The following MACC1 variants were observed in gnomAD, a reference collection of about 807,000 sequenced individuals.
MACC1 encodes MET transcriptional regulator MACC1, also known as metastasis-associated in colon cancer protein 1.
A neutral mutation model predicts 70.7 loss-of-function variants in MACC1; 79 were observed. The observed-to-expected ratio is 1.12, with a 90% CI of 0.93 to 1.35. MACC1 has a LOEUF of 1.35. MACC1 is among the 40% of genes most tolerant of loss of function. The pLI, the probability that MACC1 is intolerant of heterozygous loss-of-function variation, is 0.00. For missense variants in MACC1, 1,106 were observed against 978.1 expected (o/e 1.13, Z -1.74); for synonymous variants, 361 against 347.2 (o/e 1.04, Z -0.44).
intron 1 of MACC1, among the ~76,000 whole-genome samples, chr7:20,177,133 G>A (rs1161658051): frequency 6.6e-6 from 1 of 151,958 alleles, no homozygotes. Flanking sequence ...GGAACTAGAT[G>A]GAAGGTATAT....
At chr7:20,195,830 C>A (rs1050571078) in intron 1 of MACC1, among the ~76,000 whole-genome samples, 12 of 152,184 alleles carry the variant, frequency 7.9e-5, no homozygotes, top group African/African-American at 2.4e-4. Flanking sequence ...GCAGCTAGAA[C>A]ATAGTTTATT....
At chr7:20,193,528 C>T (rs964949839) in intron 1 of MACC1, among the ~76,000 whole-genome samples, 1 of 152,154 alleles carries the variant, frequency 6.6e-6, no homozygotes, top group Admixed American at 6.5e-5. Flanking sequence ...TCTCATTTCT[C>T]ATCTAAGTTG....
intron 1 of MACC1, chr7:20,198,638 C>G (rs1034413355): frequency 6.6e-6 from 1 of 152,228 alleles, no homozygotes; most frequent in South Asian, 2.1e-4. Context: ...CCTTTTAGAT[C>G]TCAGCCTCGC....
Position 20,140,731 on chromosome 7 carries a change from A to T in MACC1, c.*215T>A. The T allele has an allele frequency of 2.4e-6, 1 of 417,366 alleles. No individual in the cohort carries two copies. The highest frequency in any genetic ancestry group is 3.6e-5 in the East Asian group (1 of 28,098). The allele number at this position is 417,366 out of a possible 1,614,324, so 25.9% of individuals were successfully genotyped here. ...TGGTTATCAGTTAGGCTGTGCTTTC[A>T]TCAGGAAAAAAAAACTGGTTTTGAG... On this transcript the variant is annotated 3_prime_UTR_variant, in exon 7 of 7. Coordinates refer to ENST00000400331, the MANE Select transcript of MACC1 (RefSeq NM_182762.4).
intron 1 of MACC1, among the ~76,000 whole-genome samples, chr7:20,173,678 T>C (rs560777082): frequency 6.6e-6 from 1 of 152,334 alleles, no homozygotes; most frequent in Admixed American, 6.5e-5. Flanking sequence ...TTCAAACCTA[T>C]TGTGCTAATG....
At chr7:20,215,397 TC>T (rs991722784) in intron 1 of MACC1, among the ~76,000 whole-genome samples, 3 of 152,114 alleles carry the variant, frequency 2.0e-5, no homozygotes, top group Admixed American at 2.0e-4. Context: ...GAATGACACT[TC>T]CTAGAGACAC....
chr7:20,190,337 C>T (rs1782654126), intron 1 of MACC1, among the ~76,000 whole-genome samples: 2 of 152,108 alleles, frequency 1.3e-5, no homozygotes, highest in South Asian at 4.1e-4. Context: ...CAGTTTTCCT[C>T]TTAGCTTTCT....
At chr7:20,146,075 C>T (rs1056324792) in intron 6 of MACC1, among the ~76,000 whole-genome samples, 4 of 150,956 alleles carry the variant, frequency 2.6e-5, no homozygotes, top group East Asian at 1.9e-4. Flanking sequence ...GCAGGAGAAT[C>T]GCTTGAACCC....
In MACC1 at chr7:20,136,077, C is replaced by T. The variant is rs1160654556; in HGVS notation, c.*4869G>A. ...AACGCAATACATTCTAGTCATTGAACATTTATAGACATTTAAACCCAAGGG... is the reference window on the plus strand; with the variant it reads ...AACGCAATACATTCTAGTCATTGAATATTTATAGACATTTAAACCCAAGGG... On this transcript the variant is annotated 3_prime_UTR_variant, in exon 7 of 7. Transcript: ENST00000400331. The T allele has an allele frequency of 6.6e-6, 1 of 152,238 alleles. No individual in the cohort carries two copies. The highest frequency in any genetic ancestry group is 1.5e-5 in the Non-Finnish European group (1 of 68,002). 9.4% of individuals were successfully genotyped at this position (152,238 alleles called of 1,614,324 possible).
At chr7:20,203,903 T>C (rs1010359335) in intron 1 of MACC1, among the ~76,000 whole-genome samples, 3 of 152,144 alleles carry the variant, frequency 2.0e-5, no homozygotes, top group African/African-American at 7.2e-5. Flanking sequence ...ATAATCATAA[T>C]GGAAAGAGCA....
chr7:20,159,447 A>G lies in MACC1; in HGVS notation c.914T>C (p.Met305Thr), dbSNP rs1025571840. The change falls in exon 5 of 7, where the codon ATG (methionine) becomes ACG (threonine). Residue 305 changes from methionine (M) to threonine (T), a missense_variant. Coordinates refer to ENST00000400331, the MANE Select transcript of MACC1 (RefSeq NM_182762.4). The stretch of plus-strand genomic sequence containing the variant: ...GCTGTGTAAACACACCATTTCTGTC[A>G]TGACTTGGCTGAAAGGATCCTTTCT... ...EVRKDPFSQV[M>T]TEMVCLHSLG... The G allele has an allele frequency of 6.2e-7, 1 of 1,613,942 alleles. No individual in the cohort carries two copies. The highest frequency in any genetic ancestry group is 1.3e-5 in the African/African-American group (1 of 74,938).
chr7:20,146,792 T>A (rs564206276), intron 6 of MACC1, among the ~76,000 whole-genome samples: 1 of 152,354 alleles, frequency 6.6e-6, no homozygotes, highest in African/African-American at 2.4e-5. Context: ...GTTAAATTAT[T>A]CTTAACCACA....
At chr7:20,183,699 C>A (rs1304902177) in intron 1 of MACC1, among the ~76,000 whole-genome samples, 2 of 145,996 alleles carry the variant, frequency 1.4e-5, no homozygotes, top group South Asian at 2.2e-4. Context: ...TCCTTCAATA[C>A]CTGATTCTAA....
intron 1 of MACC1, among the ~76,000 whole-genome samples, chr7:20,181,987 T>A (rs892580286): frequency 6.6e-6 from 1 of 151,942 alleles, no homozygotes; most frequent in Non-Finnish European, 1.5e-5. Flanking sequence ...GTGGCACATA[T>A]ACACCATGGA....
At chr7:20,203,147 C>T (rs1782856934) in intron 1 of MACC1, among the ~76,000 whole-genome samples, 1 of 152,044 alleles carries the variant, frequency 6.6e-6, no homozygotes, top group South Asian at 2.1e-4. Context: ...AAAAAAAGTC[C>T]TGGGTTATTT....
At chr7:20,179,540 C>T (rs185886889) in intron 1 of MACC1, among the ~76,000 whole-genome samples, 49 of 152,208 alleles carry the variant, frequency 3.2e-4, no homozygotes, top group Admixed American at 1.6e-3. Flanking sequence ...TGATGGTATT[C>T]GATATATTGC....
At chr7:20,154,098 C>G (rs912227044) in intron 6 of MACC1, 95 bp downstream of exon 6, 4 of 1,290,146 alleles carry the variant, frequency 3.1e-6, no homozygotes, top group Non-Finnish European at 3.3e-6. Flanking sequence ...TGGACATTCC[C>G]CCAGTGAATC....
intron 6 of MACC1, chr7:20,153,401 GAGA>G (rs1276395148): frequency 2.0e-4 from 30 of 152,204 alleles, no homozygotes; most frequent in Non-Finnish European, 3.5e-4. Context: ...CTCTAATAGA[GAGA>G]AGATTTCCTT....
At chr7:20,176,230 A>G (rs1782390438) in intron 1 of MACC1, among the ~76,000 whole-genome samples, 1 of 152,148 alleles carries the variant, frequency 6.6e-6, no homozygotes, top group African/African-American at 2.4e-5. Flanking sequence ...CAACATATAC[A>G]TAAAACATCA....
Sources: gnomAD v4.1 joint callset for allele counts (sites outside exome capture counted in the v4.1 genomes callset) on GRCh38, gnomAD v4.1.1 for gene constraint, MANE v1.5 for transcripts, NCBI Gene and HGNC (gene_info 2026-07-23, HGNC 2026-07-21) for gene names.